Variants in PBX1 observed in about 807,000 individuals in gnomAD.
PBX1 encodes the protein PBX homeobox 1.
PBX1 carries 6 observed loss-of-function variants against 53.4 expected under a neutral mutation model. That is an observed-to-expected ratio of 0.11 (90% CI 0.06 to 0.22). The LOEUF (loss-of-function observed/expected upper bound fraction) is 0.22. Ranked by LOEUF, PBX1 falls within the 10% of genes least tolerant of loss-of-function variation. PBX1 has a pLI of 1.00. For synonymous variants in PBX1, 204 were observed against 212.3 expected, an observed-to-expected ratio of 0.96 and a Z score of 0.34; for missense variants, 251 against 551.4, an observed-to-expected ratio of 0.46 and a Z score of 5.46.
chr1:164,636,395 T>C (rs1180381139), intron 2 of PBX1, among the ~76,000 whole-genome samples: 1 of 152,180 alleles, frequency 6.6e-6, no homozygotes, highest in Non-Finnish European at 1.5e-5. Flanking sequence ...GTTTGTTGCA[T>C]GTGGGAAGTG....
rs541533722 is a variant in PBX1, at chr1:164,651,027, C to T, written c.265+87716C>T. Among the ~76,000 whole-genome samples, 77 of 152,134 alleles carry T rather than the reference C, an allele frequency of 5.1e-4. No homozygotes were observed. In the Middle Eastern group the frequency reaches 0.014, roughly 27 times the overall value. On this transcript the variant is annotated intron_variant, in intron 2 of 8. Coordinates refer to ENST00000420696, the MANE Select transcript of PBX1 (RefSeq NM_002585.4). ...AAAGGAAAGAACACTTCAAGCATAGCCCAGCCCAGGCATGTCAGCTCCCAC... is the reference window on the plus strand; with the variant it reads ...AAAGGAAAGAACACTTCAAGCATAGTCCAGCCCAGGCATGTCAGCTCCCAC...
intron 2 of PBX1, among the ~76,000 whole-genome samples, chr1:164,760,555 C>T (rs920137998): frequency 2.0e-5 from 3 of 151,954 alleles, no homozygotes; most frequent in Non-Finnish European, 4.4e-5. Context: ...TTAACTCCTG[C>T]CCCCCAAAAC....
chr1:164,723,600 G>A (rs1268621564), intron 2 of PBX1, among the ~76,000 whole-genome samples: 3 of 152,190 alleles, frequency 2.0e-5, no homozygotes, highest in African/African-American at 7.2e-5. Context: ...CAGAGAAGGG[G>A]CGTGGACTTG....
intron 2 of PBX1, among the ~76,000 whole-genome samples, chr1:164,786,702 T>C (rs1188481804): frequency 6.8e-6 from 1 of 147,664 alleles, no homozygotes; most frequent in East Asian, 2.1e-4. Context: ...TGTGTGTGTG[T>C]GTGTGTGTGT....
At chr1:164,628,578 G>A (rs1289641280) in intron 2 of PBX1, among the ~76,000 whole-genome samples, 1 of 152,178 alleles carries the variant, frequency 6.6e-6, no homozygotes, top group Non-Finnish European at 1.5e-5. Flanking sequence ...GAATTGATGG[G>A]ATGTGGAATT....
chr1:164,586,604 C>T (rs1303239095), intron 2 of PBX1, among the ~76,000 whole-genome samples: 5 of 152,162 alleles, frequency 3.3e-5, no homozygotes, highest in Non-Finnish European at 4.4e-5. Flanking sequence ...GTGAGATGGG[C>T]GTAAAATGCT....
chr1:164,846,681 C>G lies in PBX1; in HGVS notation c.*5C>G, dbSNP rs766036629. 4 of 1,614,088 alleles carry G rather than the reference C, an allele frequency of 2.5e-6. No individual in the cohort carries two copies. On this transcript the variant is annotated 3_prime_UTR_variant, in exon 9 of 9. Transcript: ENST00000420696. ...CACTCTGATACCTCCAACTGATCTC[C>G]CAGCAATCGCATCCCGGCTGACCCT...
At chr1:164,867,788 G>T (rs552694812) in intron 2 of PBX1, among the ~76,000 whole-genome samples, 1 of 152,270 alleles carries the variant, frequency 6.6e-6, no homozygotes, top group South Asian at 2.1e-4. Flanking sequence ...TCAATCTCAG[G>T]CCTGACCTTT....
chr1:164,707,875 G>A lies in PBX1; in HGVS notation c.266-84619G>A, dbSNP rs567073900. Among the ~76,000 whole-genome samples the A allele has an allele frequency of 9.5e-4, 144 of 152,314 alleles. 3 individuals are homozygous for A. The South Asian group carries it at 0.029, about 30-fold the overall frequency. On this transcript the variant is annotated intron_variant, in intron 2 of 8. Coordinates refer to ENST00000420696, the MANE Select transcript of PBX1 (RefSeq NM_002585.4). ...GACTAAGAACCAAGCAAATGCTTTC[G>A]ATTGCGCTATCTTGATTAGAAGCCC... is the stretch of plus-strand genomic sequence containing the variant.
chr1:164,624,139 T>A (rs1657880776), intron 2 of PBX1, among the ~76,000 whole-genome samples: 1 of 152,264 alleles, frequency 6.6e-6, no homozygotes, highest in Non-Finnish European at 1.5e-5. Context: ...TATTTACTGA[T>A]GTTTTTTAAG....
At chr1:164,612,547 C>T (rs1174253692) in intron 2 of PBX1, among the ~76,000 whole-genome samples, 1 of 152,176 alleles carries the variant, frequency 6.6e-6, no homozygotes, top group Non-Finnish European at 1.5e-5. Flanking sequence ...TTACTTCCTG[C>T]CTCTTCCTCC....
intron 2 of PBX1, among the ~76,000 whole-genome samples, chr1:164,745,056 CAGAG>C (rs754812665): frequency 6.6e-6 from 1 of 152,136 alleles, no homozygotes; most frequent in Non-Finnish European, 1.5e-5. Context: ...GAAACTGAGT[CAGAG>C]AGCAGCAGAA....
chr1:164,577,490 G>A (rs1654333451), intron 2 of PBX1, among the ~76,000 whole-genome samples: 1 of 152,190 alleles, frequency 6.6e-6, no homozygotes, highest in Non-Finnish European at 1.5e-5. Context: ...CACCTAGCCT[G>A]CTGGAGCCCA....
chr1:164,841,085 G>A lies in PBX1; in HGVS notation c.1201-5499G>A, dbSNP rs556479564. ...CTTTTATGGTCGGGTAGGTGAAACCGACGTGTGAAGGAACACACGCAATAC... is the reference window on the plus strand; with the variant it reads ...CTTTTATGGTCGGGTAGGTGAAACCAACGTGTGAAGGAACACACGCAATAC... On this transcript the variant is annotated intron_variant, in intron 8 of 8. Transcript: ENST00000420696. Among the ~76,000 whole-genome samples the A allele has an allele frequency of 6.6e-5, 10 of 152,270 alleles. No individual in the cohort carries two copies. In the South Asian group the frequency reaches 1.5e-3, roughly 22 times the overall value.
At chr1:164,613,593 T>C (rs1321677226) in intron 2 of PBX1, among the ~76,000 whole-genome samples, 1 of 152,182 alleles carries the variant, frequency 6.6e-6, no homozygotes, top group Non-Finnish European at 1.5e-5. Flanking sequence ...TTATGATCTG[T>C]GTATATGTGC....
At chr1:164,833,190 C>T (rs1363064014) in intron 8 of PBX1, among the ~76,000 whole-genome samples, 1 of 137,978 alleles carries the variant, frequency 7.2e-6, no homozygotes, top group Non-Finnish European at 1.6e-5. Flanking sequence ...TAACCCTCCC[C>T]TCGCTAAAAA....
intron 2 of PBX1, among the ~76,000 whole-genome samples, chr1:164,703,943 T>G (rs544237156): frequency 1.3e-5 from 2 of 152,154 alleles, no homozygotes; most frequent in African/African-American, 2.4e-5. Context: ...CAGCCCTGAA[T>G]TGCATTTGAA....
At chr1:164,833,831 G>A (rs1267693215) in intron 8 of PBX1, among the ~76,000 whole-genome samples, 1 of 149,868 alleles carries the variant, frequency 6.7e-6, no homozygotes, top group Non-Finnish European at 1.5e-5. Context: ...CCACAAACAT[G>A]TATTTTTGTG....
At chr1:164,640,653 G>T (rs1571128831) in intron 2 of PBX1, among the ~76,000 whole-genome samples, 1 of 150,300 alleles carries the variant, frequency 6.7e-6, no homozygotes, top group African/African-American at 2.4e-5. Context: ...GCCTCCCAGG[G>T]TCAAACAATT....
Sources: allele counts gnomAD v4.1 joint callset (sites outside exome capture counted in the v4.1 genomes callset), GRCh38; gene constraint gnomAD v4.1.1; transcripts MANE v1.5; gene names NCBI Gene and HGNC (gene_info 2026-07-23, HGNC 2026-07-21).